Variants in TIMP3 observed in about 807,000 individuals in gnomAD.
The protein encoded by TIMP3 is metalloproteinase inhibitor 3.
TIMP3 carries 11 observed loss-of-function variants against 30.0 expected under a neutral mutation model. The ratio of observed to expected loss-of-function variants is 0.37; its 90% confidence interval spans 0.23 to 0.61. The LOEUF (loss-of-function observed/expected upper bound fraction) is 0.61, where lower values mean the gene tolerates loss of function less well. Among genes scored for constraint, TIMP3 ranks in the 20% least tolerant of loss-of-function variants. The pLI is 0.70. For synonymous variants in TIMP3, 112 were observed against 111.3 expected, an observed-to-expected ratio of 1.01 and a Z score of -0.04; for missense variants, 181 against 276.8, an observed-to-expected ratio of 0.65 and a Z score of 2.45.
rs2046605235 is a variant in TIMP3, at chr22:32,802,139, CCCCG to C, written c.121+22_121+25del. The C allele has an allele frequency of 6.4e-7, 1 of 1,574,376 alleles. No homozygotes were observed. On this transcript the variant is annotated intron_variant, in intron 1 of 4. Transcript: ENST00000266085. The stretch of plus-strand genomic sequence containing the variant: ...CCGACATCGGTAAGCGCTCCTGGTG[CCCCG>C]CCCGAGCCCCACGCTGCAGCCAGGA...
chr22:32,848,020 ACT>A (rs2048118354), intron 1 of TIMP3, among the ~76,000 whole-genome samples: 1 of 151,904 alleles, frequency 6.6e-6, no homozygotes, highest in Admixed American at 6.6e-5. Flanking sequence ...AATGAATGTT[ACT>A]CTCTGCAATT....
intron 1 of TIMP3, among the ~76,000 whole-genome samples, chr22:32,838,053 C>T (rs954469413): frequency 2.6e-5 from 4 of 152,176 alleles, no homozygotes; most frequent in African/African-American, 9.7e-5. Context: ...GCTGCATGCT[C>T]CTGTGGCTCC....
intron 2 of TIMP3, among the ~76,000 whole-genome samples, chr22:32,856,382 C>T (rs969328698): frequency 5.9e-5 from 9 of 152,052 alleles, no homozygotes; most frequent in African/African-American, 1.4e-4. Context: ...TCAAGAGGAT[C>T]GGTGGCTTCA....
At chr22:32,803,434 C>A (rs1343883111) in intron 1 of TIMP3, among the ~76,000 whole-genome samples, 1 of 151,984 alleles carries the variant, frequency 6.6e-6, no homozygotes. Flanking sequence ...GTGTGGTGAC[C>A]AGAATGTCAG....
chr22:32,809,921 T>C (rs1439568892), intron 1 of TIMP3, among the ~76,000 whole-genome samples: 3 of 152,208 alleles, frequency 2.0e-5, no homozygotes, highest in Non-Finnish European at 4.4e-5. Flanking sequence ...GCAGGTCCCA[T>C]GCATTTACTG....
chr22:32,845,661 G>A (rs2048039704), intron 1 of TIMP3, among the ~76,000 whole-genome samples: 1 of 152,182 alleles, frequency 6.6e-6, no homozygotes, highest in African/African-American at 2.4e-5. Flanking sequence ...GGTAGACAGT[G>A]TAGGGGCCAT....
At chr22:32,858,467 G>A (rs1428804198) in intron 4 of TIMP3, among the ~76,000 whole-genome samples, 1 of 152,142 alleles carries the variant, frequency 6.6e-6, no homozygotes, top group African/African-American at 2.4e-5. Context: ...ACACTGGCAG[G>A]TTCTCCCAAG....
Position 32,862,714 on chromosome 22 carries a change from G to C in TIMP3, c.*3337G>C, listed in dbSNP as rs189476805. 6.6e-6 allele frequency: 1 copy of C among 152,644 alleles called. No individual in the cohort carries two copies. Among genetic ancestry groups the C allele is most frequent in the East Asian group, 1.9e-4 (1 of 5,184 alleles). 9.5% of individuals were successfully genotyped at this position (152,644 alleles called of 1,614,324 possible). A position where few individuals can be genotyped will look rare whatever the true frequency, so the allele number is the denominator to read the frequency against. Reference sequence around the variant, plus strand: ...CAACAACTTCCAAATTGGCTCTTTGGAGGCGAGAGGAAGGGGAGAACTTGG... The same window carrying C: ...CAACAACTTCCAAATTGGCTCTTTGCAGGCGAGAGGAAGGGGAGAACTTGG... On this transcript the variant is annotated 3_prime_UTR_variant, in exon 5 of 5. Coordinates refer to ENST00000266085, the MANE Select transcript of TIMP3 (RefSeq NM_000362.5).
At chr22:32,808,448 G>A (rs925848376) in intron 1 of TIMP3, among the ~76,000 whole-genome samples, 8 of 152,224 alleles carry the variant, frequency 5.3e-5, no homozygotes, top group African/African-American at 1.9e-4. Flanking sequence ...AGGACGCTGG[G>A]GTCTCATTAT....
At position 32,801,983 on chromosome 22, in the gene TIMP3, A is replaced by C. The variant is rs1397365773; in HGVS notation, c.-19A>C. On this transcript the variant is annotated 5_prime_UTR_variant, in exon 1 of 5. Transcript: ENST00000266085. This position sits in a 1 kb window ranked among gnomAD's most constrained non-coding sequence, Gnocchi z 4.7. ...TGGAGAGGCGAGCAGCAGCCCCGGC[A>C]GCGGCGGCAGCAGCGGCAATGACCC... 6.3e-7 allele frequency: 1 copy of C among 1,581,846 alleles called. No individual in the cohort carries two copies. Among genetic ancestry groups the C allele is most frequent in the East Asian group, 2.3e-5 (1 of 43,824 alleles).
At chr22:32,827,611 A>T (rs2047450543) in intron 1 of TIMP3, among the ~76,000 whole-genome samples, 1 of 139,502 alleles carries the variant, frequency 7.2e-6, no homozygotes, top group South Asian at 2.3e-4. Context: ...TTTACAAGCC[A>T]CTCCCCTACA....
intron 1 of TIMP3, among the ~76,000 whole-genome samples, chr22:32,817,917 C>T (rs1285829684): frequency 6.6e-6 from 1 of 152,192 alleles, no homozygotes; most frequent in African/African-American, 2.4e-5. Context: ...CCTCTCTGTT[C>T]TATACTTCTC....
Position 32,837,626 on chromosome 22 carries a change from C to T in TIMP3, c.122-11826C>T, listed in dbSNP as rs375938858. Among the ~76,000 whole-genome samples, 1 of 152,122 alleles carries T rather than the reference C, an allele frequency of 6.6e-6. No homozygotes were observed. Among genetic ancestry groups the T allele is most frequent in the Admixed American group, 6.5e-5 (1 of 15,270 alleles). On this transcript the variant is annotated intron_variant, in intron 1 of 4. Transcript: ENST00000266085. This position sits in a 1 kb window ranked among gnomAD's most constrained non-coding sequence, Gnocchi z 4.1. ...CATTTGTGGTTCTGATGCAAAGACC[C>T]AGGCTTGTTTCTAGGGGTTTCTTGG...
At chr22:32,815,843 C>T (rs1173944461) in intron 1 of TIMP3, among the ~76,000 whole-genome samples, 1 of 152,182 alleles carries the variant, frequency 6.6e-6, no homozygotes, top group Non-Finnish European at 1.5e-5. Context: ...ATTCTGCCCA[C>T]GGTCACCCCA....
At chr22:32,854,022 A>C (rs1232326356) in intron 2 of TIMP3, among the ~76,000 whole-genome samples, 1 of 152,186 alleles carries the variant, frequency 6.6e-6, no homozygotes, top group Non-Finnish European at 1.5e-5. Flanking sequence ...CAACTCTGAG[A>C]TTCTAGGATT....
chr22:32,803,547 C>T (rs940682601), intron 1 of TIMP3, among the ~76,000 whole-genome samples: 1 of 152,204 alleles, frequency 6.6e-6, no homozygotes, highest in Non-Finnish European at 1.5e-5. Flanking sequence ...GGGAACCCAG[C>T]TGGCCCAGGA....
At chr22:32,815,300 C>T (rs1021166456) in intron 1 of TIMP3, among the ~76,000 whole-genome samples, 2 of 152,252 alleles carry the variant, frequency 1.3e-5, no homozygotes, top group South Asian at 2.1e-4. Flanking sequence ...AACCCATGTG[C>T]GGTGACACTG....
At position 32,862,680 on chromosome 22, in the gene TIMP3, TG is replaced by T; in HGVS notation, c.*3305del. On this transcript the variant is annotated 3_prime_UTR_variant, in exon 5 of 5. Transcript: ENST00000266085. ...AAAACAAAATGGAAAGTAGGGGAGGTGGATGTGACAACAACTTCCAAATTGG... is the reference window on the plus strand; with the variant it reads ...AAAACAAAATGGAAAGTAGGGGAGGTGATGTGACAACAACTTCCAAATTGG... 6.6e-6 allele frequency: 1 copy of T among 151,776 alleles called. No individual in the cohort carries two copies. The highest frequency in any genetic ancestry group is 1.5e-5 in the Non-Finnish European group (1 of 67,958). The allele number at this position is 151,776 out of a possible 1,614,324, so 9.4% of individuals were successfully genotyped here. A position where few individuals can be genotyped will look rare whatever the true frequency, so the allele number is the denominator to read the frequency against.
Position 32,858,019 on chromosome 22 carries a change from C to T in TIMP3, c.319C>T (p.Arg107Cys), listed in dbSNP as rs2146289367. 2 of 1,614,156 alleles carry T rather than the reference C, an allele frequency of 1.2e-6. No homozygotes were observed. Among genetic ancestry groups the T allele is most frequent in the Non-Finnish European group, 1.7e-6 (2 of 1,180,030 alleles). Residue 107 changes from arginine (R) to cysteine (C), a missense_variant and splice_region_variant, in exon 4 of 5, where the codon CGC (arginine) becomes TGC (cysteine). Arg to Cys is a radical substitution (Grantham distance 180, BLOSUM62 -3). Coordinates refer to ENST00000266085, the MANE Select transcript of TIMP3 (RefSeq NM_000362.5). Reference protein sequence around the residue: ...VNKYQYLLTGRVYDGKMYTGL... With the variant: ...VNKYQYLLTGCVYDGKMYTGL... ...TGTTTTCTTCTTTCCTCCTGTAGGTCGCGTCTATGATGGCAAGATGTACAC... is the reference window on the plus strand; with the variant it reads ...TGTTTTCTTCTTTCCTCCTGTAGGTTGCGTCTATGATGGCAAGATGTACAC...
Sources: gnomAD v4.1 joint callset for allele counts (sites outside exome capture counted in the v4.1 genomes callset) on GRCh38, gnomAD v4.1.1 for gene constraint, Gnocchi (gnomAD v3.1) non-coding constraint, MANE v1.5 for transcripts, NCBI Gene and HGNC (gene_info 2026-07-23, HGNC 2026-07-21) for gene names.